Variants in SMARCA4 observed in about 807,000 individuals in gnomAD.
SMARCA4 encodes SWI/SNF related BAF chromatin remodeling complex subunit ATPase 4, also known as SWI/SNF-related matrix-associated actin-dependent regulator of chromatin subfamily A member 4.
In SMARCA4, 31 loss-of-function variants were observed where a neutral mutation model predicts 193.9. That is an observed-to-expected ratio of 0.16 (90% CI 0.12 to 0.22). SMARCA4 has a LOEUF of 0.22. Ranked by LOEUF, SMARCA4 falls within the 10% of genes least tolerant of loss-of-function variation. The probability of loss-of-function intolerance (pLI) is 1.00; values close to 1 mark genes in which losing one functional copy is unlikely to be tolerated. For missense variants in SMARCA4, 1,148 were observed against 2,296.0 expected, an observed-to-expected ratio of 0.50 and a Z score of 10.22; for synonymous variants, 942 against 933.1, an observed-to-expected ratio of 1.01 and a Z score of -0.17.
chr19:11,028,156 C>G (rs948856041), intron 24 of SMARCA4, among the ~76,000 whole-genome samples: 1 of 152,208 alleles, frequency 6.6e-6, no homozygotes, highest in African/African-American at 2.4e-5. Context: ...TGTCCTGACT[C>G]CTAGGCTGAC....
intron 29 of SMARCA4, chr19:11,040,280 A>T (rs1292571849): frequency 6.6e-6 from 1 of 151,464 alleles, no homozygotes; most frequent in African/African-American, 2.4e-5. Context: ...CGTCTCAAAA[A>T]TATAAAAATA....
rs1265734471 is a variant in SMARCA4 at position 11,024,444 on chromosome 19, C to T, written c.3081+6C>T. The T allele has an allele frequency of 1.9e-6, 3 of 1,575,746 alleles. No homozygotes were observed. Among genetic ancestry groups the T allele is most frequent in the Admixed American group, 1.7e-5 (1 of 59,950 alleles). On this transcript the variant is annotated splice_donor_region_variant and intron_variant, in intron 21 of 34. Coordinates refer to ENST00000344626, the MANE Select transcript of SMARCA4 (RefSeq NM_003072.5). ...GCTCCGAGAAGGACAAGAAGGTGGG[C>T]CCCAGAGTCCCCCAACTGCATTCCC...
chr19:11,040,761 T>G (rs1196586699), intron 29 of SMARCA4: 1 of 152,048 alleles, frequency 6.6e-6, no homozygotes, highest in Non-Finnish European at 1.5e-5. Flanking sequence ...TACAAAAAAT[T>G]TTTTTAATTA....
chr19:11,037,075 A>G (rs1251686149), intron 29 of SMARCA4, among the ~76,000 whole-genome samples: 1 of 152,238 alleles, frequency 6.6e-6, no homozygotes, highest in East Asian at 1.9e-4. Context: ...GCTATTACAA[A>G]CAATACTACC....
chr19:10,989,705 C>CTT lies in SMARCA4; in HGVS notation c.1245+276_1245+277dup, dbSNP rs377263433. ...GGCTTCTTTCTTCCTTTCCCTTTCCCTTTTTTTTTTTTTTTGGAAACAGTC... is the reference window on the plus strand; with the variant it reads ...GGCTTCTTTCTTCCTTTCCCTTTCCCTTTTTTTTTTTTTTTTTGGAAACAGTC... On this transcript the variant is annotated intron_variant, in intron 7 of 34. Transcript: ENST00000344626. Among the ~76,000 whole-genome samples, 4,293 of 142,138 alleles carry CTT rather than the reference C, an allele frequency of 0.03. 90 individuals are homozygous for CTT. Among genetic ancestry groups the CTT allele is most frequent in the Non-Finnish European group, 0.038 (2,457 of 65,460 alleles). The allele number at this position is 142,138 out of a possible 152,430, so 93.2% of individuals were successfully genotyped here.
At chr19:10,974,182 C>T (rs777549836) in intron 1 of SMARCA4, among the ~76,000 whole-genome samples, 29 of 152,282 alleles carry the variant, frequency 1.9e-4, no homozygotes, top group Non-Finnish European at 3.2e-4. Context: ...GGTTAGCAAC[C>T]TGCCCTGCCT....
At position 11,033,115 on chromosome 19, in the gene SMARCA4, C is replaced by A; in HGVS notation, c.3547-175C>A. On this transcript the variant is annotated intron_variant, in intron 25 of 34. Transcript: ENST00000344626. This position sits in a 1 kb window ranked among gnomAD's most constrained non-coding sequence, Gnocchi z 9.8. ...GAGAGTCCCCTTCCCCCGAGGGACA[C>A]ATGGCGGCCCAGGCTCCACCAGCTC... 2.9e-6 allele frequency: 2 copies of A among 679,376 alleles called. No homozygotes were observed. The highest frequency in any genetic ancestry group is 5.4e-6 in the Non-Finnish European group (2 of 370,754). 42.1% of individuals were successfully genotyped at this position (679,376 alleles called of 1,614,324 possible).
At chr19:11,021,320 C>G (rs541577558) in intron 18 of SMARCA4, 20 of 356,978 alleles carry the variant, frequency 5.6e-5, no homozygotes, top group Non-Finnish European at 2.2e-5. Context: ...AGAAATGTAC[C>G]GTCACCAACC....
At chr19:10,972,968 G>T (rs1347133775) in intron 1 of SMARCA4, among the ~76,000 whole-genome samples, 2 of 152,198 alleles carry the variant, frequency 1.3e-5, no homozygotes, top group Non-Finnish European at 2.9e-5. Flanking sequence ...AATTAGCTGG[G>T]CATGGCGGTG....
rs201762505 is a variant in SMARCA4 at position 10,991,145 on chromosome 19, T to C, written c.1246-5T>C. 1.2e-6 allele frequency: 2 copies of C among 1,613,484 alleles called. No homozygotes were observed. The highest frequency in any genetic ancestry group is 4.5e-5 in the East Asian group (2 of 44,884). On this transcript the variant is annotated splice_region_variant and splice_polypyrimidine_tract_variant and intron_variant, in intron 7 of 34. Transcript: ENST00000344626. ...TGCGCGGGCTTGTCCTCTTCCCTCC[T>C]ACAGCTGCGCCAGGAGGTGGTGGTG...
chr19:10,963,767 A>ATT (rs61382773), intron 1 of SMARCA4, among the ~76,000 whole-genome samples: 28,988 of 141,014 alleles, frequency 0.21, 3,224 homozygotes, highest in South Asian at 0.31. Flanking sequence ...TGAACACTTG[A>ATT]TTTTTTTTTT....
rs1372452829 is a variant in SMARCA4 at position 10,984,592 on chromosome 19, G to A, written c.222+219G>A. On this transcript the variant is annotated intron_variant, in intron 2 of 34. Transcript: ENST00000344626. The surrounding 1 kb of genome is among the most constrained non-coding windows in gnomAD (Gnocchi z 4.3). ...CTGGCGCATGATCTGGGCCCCGCGG[G>A]CACCTGCCCCACCGTTTCCCGCTCC... 2.0e-5 allele frequency among the ~76,000 whole-genome samples: 3 copies of A among 152,272 alleles called. No homozygotes were observed. Among genetic ancestry groups the A allele is most frequent in the East Asian group, 1.9e-4 (1 of 5,200 alleles).
intron 25 of SMARCA4, chr19:11,032,701 G>C (rs2075011551): frequency 1.3e-5 from 2 of 157,726 alleles, no homozygotes; most frequent in Admixed American, 1.2e-4. Flanking sequence ...CCCATCCACG[G>C]CACCTGCATT....
chr19:10,972,527 G>A (rs1245263191), intron 1 of SMARCA4, among the ~76,000 whole-genome samples: 1 of 152,126 alleles, frequency 6.6e-6, no homozygotes, highest in Non-Finnish European at 1.5e-5. Context: ...CCAGATGCCT[G>A]GTGTTTGGAA....
chr19:10,994,410 G>A (rs1234275761), intron 8 of SMARCA4, among the ~76,000 whole-genome samples: 2 of 140,758 alleles, frequency 1.4e-5, no homozygotes, highest in Admixed American at 1.5e-4. Context: ...TGCAAGCTCC[G>A]CCTCCCGGGT....
chr19:11,027,678 C>T, intron 23 of SMARCA4, 106 bp from the exon 24 acceptor site: 1 of 1,243,416 alleles, frequency 8.0e-7, no homozygotes, highest in African/African-American at 1.5e-5. Flanking sequence ...TGCCCTTGAA[C>T]CCGGCGCCTG....
Position 11,033,419 on chromosome 19 carries a change from C to T in SMARCA4, c.3676C>T (p.Gln1226Ter), listed in dbSNP as rs2146652339. 1 of 1,613,464 alleles carries T rather than the reference C, an allele frequency of 6.2e-7. No homozygotes were observed. The highest frequency in any genetic ancestry group is 8.5e-7 in the Non-Finnish European group (1 of 1,180,014). The change falls in exon 26 of 35, where the codon CAG becomes TAG. Residue 1226 changes from glutamine (Q) to a stop codon, truncating the protein, a stop_gained. Transcript: ENST00000344626. LOFTEE classifies it high-confidence loss of function. The surrounding 1 kb of genome is among the most constrained non-coding windows in gnomAD (Gnocchi z 9.8). ...AAAKYKLNVD[Q>*]KVIQAGMFDQ... ...AGCCAAGTACAAGCTCAACGTGGAC[C>T]AGAAGGTGATCCAGGCCGGCATGTT...
At chr19:10,992,107 TG>T (rs1429309186) in intron 8 of SMARCA4, among the ~76,000 whole-genome samples, 3 of 151,944 alleles carry the variant, frequency 2.0e-5, no homozygotes, top group Non-Finnish European at 4.4e-5. Flanking sequence ...CAGCAATCTC[TG>T]TTAACTTTTT....
chr19:11,055,314 C>G (rs911007021), intron 30 of SMARCA4, among the ~76,000 whole-genome samples: 1 of 152,102 alleles, frequency 6.6e-6, no homozygotes, highest in Non-Finnish European at 1.5e-5. Flanking sequence ...CTCAGCCTCC[C>G]GAGTAGCTGG....
Sources: gnomAD v4.1 joint callset for allele counts (sites outside exome capture counted in the v4.1 genomes callset) on GRCh38, gnomAD v4.1.1 for gene constraint, Gnocchi (gnomAD v3.1) non-coding constraint, MANE v1.5 for transcripts, NCBI Gene and HGNC (gene_info 2026-07-23, HGNC 2026-07-21) for gene names.